PRDM10: variants seen among roughly 807,000 people sequenced by gnomAD.
PRDM10 encodes PR domain zinc finger protein 10.
PRDM10 carries 65 observed loss-of-function variants against 133.1 expected under a neutral mutation model. The ratio of observed to expected loss-of-function variants is 0.49; its 90% confidence interval spans 0.40 to 0.60. The LOEUF (loss-of-function observed/expected upper bound fraction) is 0.60. PRDM10 is among the 20% of genes least tolerant of loss of function. PRDM10 has a pLI of 0.00. For synonymous variants in PRDM10, 582 were observed against 580.4 expected (o/e 1.00, Z -0.04); for missense variants, 1,137 against 1,507.1 (o/e 0.75, Z 4.07).
intron 1 of PRDM10, among the ~76,000 whole-genome samples, chr11:130,000,393 G>A (rs951018818): frequency 6.6e-6 from 1 of 152,070 alleles, no homozygotes; most frequent in Non-Finnish European, 1.5e-5. Flanking sequence ...AAACTAGAAG[G>A]AAAAACAAAA....
chr11:130,002,160 C>T (rs1939440750), intron 1 of PRDM10, among the ~76,000 whole-genome samples: 2 of 148,960 alleles, frequency 1.3e-5, no homozygotes, highest in South Asian at 4.1e-4. Context: ...CCCCAGCCCC[C>T]GGTGCTCGGC....
intron 19 of PRDM10, among the ~76,000 whole-genome samples, chr11:129,908,463 C>T (rs570309670): frequency 2.0e-5 from 3 of 152,286 alleles, no homozygotes; most frequent in African/African-American, 7.2e-5. Flanking sequence ...CAGAGCAAAA[C>T]CCTGTCTCAA....
chr11:129,971,255 C>CGAG (rs1952016679), intron 1 of PRDM10, among the ~76,000 whole-genome samples: 1 of 152,150 alleles, frequency 6.6e-6, no homozygotes, highest in East Asian at 1.9e-4. Flanking sequence ...GGGACCCGAG[C>CGAG]GAGTTGCCAC....
In PRDM10 at chr11:129,918,667, C is replaced by T. The variant is rs1950432822; in HGVS notation, c.2086G>A (p.Glu696Lys). The change falls in exon 14 of 21, where the codon GAG becomes AAG. Residue 696 changes from glutamate to lysine, a missense_variant. Glu to Lys is a moderately conservative substitution (Grantham distance 56). Coordinates refer to ENST00000360871, the MANE Select transcript of PRDM10 (RefSeq NM_199437.2). The surrounding 1 kb of genome is among the most constrained non-coding windows in gnomAD (Gnocchi z 5.3). ...CTGATGCGGTCGGCTTTCTTGGCCTCCCTCTCAGGATTATGCATCCTCTGC... is the reference window on the plus strand; with the variant it reads ...CTGATGCGGTCGGCTTTCTTGGCCTTCCTCTCAGGATTATGCATCCTCTGC... ...HMQRMHNPER[E>K]AKKADRISRS... 1.9e-6 allele frequency: 3 copies of T among 1,614,008 alleles called. No homozygotes were observed. Among genetic ancestry groups the T allele is most frequent in the Non-Finnish European group, 2.5e-6 (3 of 1,180,002 alleles).
At chr11:129,915,603 T>G in intron 16 of PRDM10, 57 bp downstream of exon 16, 1 of 1,507,452 alleles carries the variant, frequency 6.6e-7, no homozygotes, top group Non-Finnish European at 8.9e-7. Flanking sequence ...CACCTTTCCT[T>G]AAGAGATTCC....
At position 129,923,122 on chromosome 11, in the gene PRDM10, G is replaced by A; in HGVS notation, c.2034+126C>T. 2.6e-6 allele frequency: 3 copies of A among 1,156,672 alleles called. No individual in the cohort carries two copies. The highest frequency in any genetic ancestry group is 2.3e-6 in the Non-Finnish European group (2 of 857,564). The allele number at this position is 1,156,672 out of a possible 1,614,324, so 71.7% of individuals were successfully genotyped here. On this transcript the variant is annotated intron_variant, in intron 13 of 20. Coordinates refer to ENST00000360871, the MANE Select transcript of PRDM10 (RefSeq NM_199437.2). The surrounding 1 kb of genome is among the most constrained non-coding windows in gnomAD (Gnocchi z 4.4). ...AACTAAGTCAAACACAAGGCCCAAA[G>A]AGTATCTCAGGTCCAGTTCATCAGA...
chr11:129,967,943 G>A (rs887225400), intron 1 of PRDM10, among the ~76,000 whole-genome samples: 1 of 151,710 alleles, frequency 6.6e-6, no homozygotes. Context: ...CAGCCTCCCC[G>A]ACAACATCAC....
At chr11:129,974,852 G>A (rs1221063117) in intron 1 of PRDM10, among the ~76,000 whole-genome samples, 1 of 152,192 alleles carries the variant, frequency 6.6e-6, no homozygotes, top group African/African-American at 2.4e-5. Flanking sequence ...AAAAAGGAAG[G>A]GAATTCTGGC....
chr11:129,900,136 G>A lies in PRDM10; in HGVS notation c.*2177C>T, dbSNP rs1428404749. 1 of 152,334 alleles carries A rather than the reference G, an allele frequency of 6.6e-6. No homozygotes were observed. Among genetic ancestry groups the A allele is most frequent in the Non-Finnish European group, 1.5e-5 (1 of 68,038 alleles). 9.4% of individuals were successfully genotyped at this position (152,334 alleles called of 1,614,324 possible). A position where few individuals can be genotyped will look rare whatever the true frequency, so the allele number is the denominator to read the frequency against. On this transcript the variant is annotated 3_prime_UTR_variant, in exon 21 of 21. Coordinates refer to ENST00000360871, the MANE Select transcript of PRDM10 (RefSeq NM_199437.2). ...TGAGAGAGGCCACAATATCCACACT[G>A]GCTACATACATGTTTTCCAAATTAA...
chr11:130,001,813 C>T lies in PRDM10; in HGVS notation c.-119+909G>A, dbSNP rs376172771. On this transcript the variant is annotated intron_variant, in intron 1 of 20. Transcript: ENST00000360871. ...CCCTCTCCCGAGCGCCGACCGGCCT[C>T]GCCCTGCCTCTGCGCTGCACCCTGG... Among the ~76,000 whole-genome samples the T allele has an allele frequency of 4.6e-3, 707 of 152,228 alleles. 10 individuals are homozygous for T. Among genetic ancestry groups the T allele is most frequent in the African/African-American group, 0.016 (674 of 41,576 alleles).
rs113406998 is a variant in PRDM10 at position 129,903,069 on chromosome 11, C to T, written c.3268-553G>A. ...CAGCACTTTGGGAGGCCAAGGTGGG[C>T]GGATCACCTGAGGTCAGGAGTTCGA... is the stretch of plus-strand genomic sequence containing the variant. On this transcript the variant is annotated intron_variant, in intron 20 of 20. Transcript: ENST00000360871. 7.4e-3 allele frequency among the ~76,000 whole-genome samples: 1,126 copies of T among 151,878 alleles called. 9 individuals are homozygous for T. Among genetic ancestry groups the T allele is most frequent in the Non-Finnish European group, 0.011 (780 of 67,962 alleles).
chr11:129,961,308 GTTGT>G (rs1420927093), intron 1 of PRDM10, among the ~76,000 whole-genome samples: 4 of 151,616 alleles, frequency 2.6e-5, no homozygotes, highest in Non-Finnish European at 5.9e-5. Flanking sequence ...GGTGAGGGGA[GTTGT>G]TTTTGTTTTT....
At chr11:129,997,375 G>A (rs1196233872) in intron 1 of PRDM10, among the ~76,000 whole-genome samples, 1 of 150,032 alleles carries the variant, frequency 6.7e-6, no homozygotes, top group Non-Finnish European at 1.5e-5. Flanking sequence ...AGCTACTTGG[G>A]AGGCCGAGGT....
intron 11 of PRDM10, among the ~76,000 whole-genome samples, 199 bp from the exon 12 acceptor site, chr11:129,925,428 TAAAG>T (rs1950647307): frequency 6.6e-6 from 1 of 151,744 alleles, no homozygotes; most frequent in Non-Finnish European, 1.5e-5. Context: ...AAGCTCATCT[TAAAG>T]AGATGAAATT....
At chr11:129,935,598 ATAACT>A (rs2135832351) in intron 8 of PRDM10, among the ~76,000 whole-genome samples, 1 of 152,312 alleles carries the variant, frequency 6.6e-6, no homozygotes, top group African/African-American at 2.4e-5. Flanking sequence ...TTTAGCACAA[ATAACT>A]TAAAAGTCAA....
In PRDM10 at chr11:129,924,901, C is replaced by T. The variant is rs779784984; in HGVS notation, c.1859G>A (p.Arg620Gln). Residue 620 changes from arginine (R) to glutamine (Q), a missense_variant, in exon 12 of 21, where the codon CGG becomes CAG. Arg to Gln is a conservative substitution (Grantham distance 43, BLOSUM62 1). Around this residue, in one of 6 missense-constraint regions of PRDM10, gnomAD observed 635 missense variants for 835.2 expected, o/e 0.76. Coordinates refer to ENST00000360871, the MANE Select transcript of PRDM10 (RefSeq NM_199437.2). The part of the protein sequence containing the change: ...GYFTCPTCKK[R>Q]FPDFIQVKKH... ...ACTCACCTGGATAAAATCTGGGAACCGTTTCTTACAAGTTGGGCAGGTGAA... is the reference window on the plus strand; with the variant it reads ...ACTCACCTGGATAAAATCTGGGAACTGTTTCTTACAAGTTGGGCAGGTGAA... The T allele has an allele frequency of 5.2e-5, 83 of 1,605,270 alleles. No homozygotes were observed. The highest frequency in any genetic ancestry group is 2.0e-4 in the South Asian group (18 of 89,478).
At chr11:129,916,734 C>T (rs1950370183) in intron 15 of PRDM10, among the ~76,000 whole-genome samples, 1 of 152,142 alleles carries the variant, frequency 6.6e-6, no homozygotes, top group African/African-American at 2.4e-5. Flanking sequence ...TAGAGTACTC[C>T]ACCACAAAGC....
At chr11:129,935,265 C>A in intron 8 of PRDM10, 47 bp from the exon 9 acceptor site, 1 of 1,415,102 alleles carries the variant, frequency 7.1e-7, no homozygotes, top group Non-Finnish European at 1.0e-6. Context: ...CCAATAGACA[C>A]CAGTAAAACT....
intron 1 of PRDM10, among the ~76,000 whole-genome samples, chr11:129,961,337 C>A (rs1287791051): frequency 6.6e-6 from 1 of 151,960 alleles, no homozygotes; most frequent in African/African-American, 2.4e-5. Flanking sequence ...TGGAGTCTCG[C>A]TCTGTTGCCC....
Sources: allele counts gnomAD v4.1 joint callset (sites outside exome capture counted in the v4.1 genomes callset), GRCh38; gene constraint gnomAD v4.1.1; regional missense constraint gnomAD v4.1.1; non-coding constraint Gnocchi (gnomAD v3.1); transcripts MANE v1.5; gene names NCBI Gene and HGNC (gene_info 2026-07-23, HGNC 2026-07-21).